Variants in NUP210L observed in about 807,000 individuals in gnomAD.
NUP210L encodes nucleoporin 210 like.
A neutral mutation model predicts 208.5 loss-of-function variants in NUP210L; 74 were observed. The observed-to-expected ratio is 0.35, with a 90% CI of 0.29 to 0.43. NUP210L has a LOEUF of 0.43. Ranked by LOEUF, NUP210L falls within the 20% of genes least tolerant of loss-of-function variation. The pLI is 1.00. For missense variants in NUP210L, 1,843 were observed against 2,289.4 expected, an observed-to-expected ratio of 0.81 and a Z score of 3.98; for synonymous variants, 780 against 816.9, an observed-to-expected ratio of 0.95 and a Z score of 0.77.
intron 35 of NUP210L, among the ~76,000 whole-genome samples, chr1:154,006,613 C>T (rs1041120147): frequency 6.6e-6 from 1 of 151,662 alleles, no homozygotes; most frequent in Admixed American, 6.6e-5. Context: ...CCTGCCTCAG[C>T]CTCCCGAGTA....
intron 17 of NUP210L, among the ~76,000 whole-genome samples, chr1:154,063,437 A>C (rs1654240642): frequency 6.6e-6 from 1 of 152,216 alleles, no homozygotes; most frequent in African/African-American, 2.4e-5. Context: ...GATAGTAATA[A>C]GAGGTGAAAC....
intron 24 of NUP210L, among the ~76,000 whole-genome samples, 180 bp downstream of exon 24, chr1:154,054,590 G>C (rs1653706081): frequency 6.6e-6 from 1 of 152,192 alleles, no homozygotes; most frequent in Admixed American, 6.5e-5. Flanking sequence ...GATTCCAAGA[G>C]AGTTTTTATA....
intron 14 of NUP210L, among the ~76,000 whole-genome samples, chr1:154,099,117 G>A (rs1472280951): frequency 6.6e-6 from 1 of 152,202 alleles, no homozygotes; most frequent in East Asian, 1.9e-4. Flanking sequence ...GGCAGCGGGA[G>A]TGTGCAGAAG....
intron 10 of NUP210L, among the ~76,000 whole-genome samples, chr1:154,125,365 G>A (rs1401535897): frequency 6.6e-6 from 1 of 151,308 alleles, no homozygotes; most frequent in African/African-American, 2.4e-5. Flanking sequence ...TAGGAGAATC[G>A]CTTGAACCCA....
intron 17 of NUP210L, among the ~76,000 whole-genome samples, chr1:154,064,359 A>C (rs938912288): frequency 2.0e-5 from 3 of 152,134 alleles, no homozygotes; most frequent in African/African-American, 7.2e-5. Flanking sequence ...GCAGAAGCTT[A>C]ATAAGCACTT....
chr1:154,080,442 G>A (rs1402444024), intron 16 of NUP210L, among the ~76,000 whole-genome samples: 3 of 151,916 alleles, frequency 2.0e-5, no homozygotes, highest in African/African-American at 7.3e-5. Context: ...GGGAGGCCAA[G>A]GTGGGCGGGT....
intron 12 of NUP210L, among the ~76,000 whole-genome samples, chr1:154,107,529 A>G (rs1015101697): frequency 5.3e-5 from 8 of 152,018 alleles, no homozygotes; most frequent in South Asian, 2.1e-4. Flanking sequence ...GAACTGATGA[A>G]GCAAAAGAAA....
chr1:154,093,423 C>T (rs1218959008), intron 15 of NUP210L, among the ~76,000 whole-genome samples: 1 of 150,840 alleles, frequency 6.6e-6, no homozygotes, highest in Non-Finnish European at 1.5e-5. Context: ...AGCGAAACTC[C>T]ATCTCAAAAA....
chr1:154,135,883 G>A, exon 7 of NUP210L: 1 of 1,611,956 alleles, frequency 6.2e-7, no homozygotes, highest in Non-Finnish European at 8.5e-7. Flanking sequence ...TTGTCATCCA[G>A]TATAGCCACT....
exon 37 of NUP210L, chr1:154,000,892 C>T (rs1450498063): frequency 6.2e-7 from 1 of 1,614,112 alleles, no homozygotes; most frequent in Admixed American, 1.7e-5. Flanking sequence ...CTCACTACCA[C>T]TGCCTCACTT....
At chr1:154,133,874 G>C (rs986782976) in intron 7 of NUP210L, among the ~76,000 whole-genome samples, 3 of 151,446 alleles carry the variant, frequency 2.0e-5, no homozygotes, top group African/African-American at 7.3e-5. Context: ...TTTTGGCCAG[G>C]CACAGTGGCT....
chr1:154,014,511 T>A (rs916083532), intron 33 of NUP210L, among the ~76,000 whole-genome samples: 1 of 152,168 alleles, frequency 6.6e-6, no homozygotes, highest in Non-Finnish European at 1.5e-5. Context: ...TTATCCAAAT[T>A]TTCCCTCTCT....
At chr1:154,082,830 G>C (rs1655412805) in intron 16 of NUP210L, among the ~76,000 whole-genome samples, 1 of 152,170 alleles carries the variant, frequency 6.6e-6, no homozygotes, top group African/African-American at 2.4e-5. Flanking sequence ...AGCTCTTAAA[G>C]GTGGCACGTC....
chr1:154,035,859 A>G (rs1652508134), intron 27 of NUP210L, among the ~76,000 whole-genome samples: 1 of 151,448 alleles, frequency 6.6e-6, no homozygotes, highest in Admixed American at 6.6e-5. Context: ...TCAGCCTTCC[A>G]AGTAGCTGAG....
intron 25 of NUP210L, among the ~76,000 whole-genome samples, chr1:154,051,790 G>T (rs948176192): frequency 6.6e-6 from 1 of 152,232 alleles, no homozygotes; most frequent in Admixed American, 6.5e-5. Context: ...CCAATCAAGA[G>T]AGTCTTCTGC....
intron 16 of NUP210L, among the ~76,000 whole-genome samples, 158 bp from the exon 17 acceptor site, chr1:154,070,623 C>T: frequency 6.6e-6 from 1 of 152,044 alleles, no homozygotes; most frequent in East Asian, 1.9e-4. Context: ...TAATAAATAC[C>T]TATATACATA....
chr1:154,016,627 C>T (rs1384283605), intron 33 of NUP210L, among the ~76,000 whole-genome samples: 1 of 151,978 alleles, frequency 6.6e-6, no homozygotes, highest in Non-Finnish European at 1.5e-5. Context: ...TCCTTTTCTC[C>T]AATTCTCCAA....
chr1:154,126,546 CTG>C (rs1209683753), intron 9 of NUP210L, 83 bp from the exon 10 acceptor site: 4 of 1,198,870 alleles, frequency 3.3e-6, no homozygotes, highest in South Asian at 1.7e-5. Flanking sequence ...ATCTATAAAA[CTG>C]TAGCTATGCA....
At chr1:154,054,435 C>T (rs2147985212) in intron 24 of NUP210L, 28 bp from the exon 25 acceptor site, 1 of 1,607,476 alleles carries the variant, frequency 6.2e-7, no homozygotes. Context: ...CATTGAATGC[C>T]TAGAACATGA....
Sources: gnomAD v4.1 joint callset for allele counts (sites outside exome capture counted in the v4.1 genomes callset) on GRCh38, gnomAD v4.1.1 for gene constraint, MANE v1.5 for transcripts, NCBI Gene and HGNC (gene_info 2026-07-23, HGNC 2026-07-21) for gene names.